The following SAMD4A variants were observed in gnomAD, a reference collection of about 807,000 sequenced individuals.
SAMD4A encodes the protein sterile alpha motif domain containing 4A.
In SAMD4A, 33 loss-of-function variants were observed where a neutral mutation model predicts 81.3. The observed-to-expected ratio is 0.41, with a 90% CI of 0.31 to 0.54. SAMD4A has a LOEUF of 0.54. Among genes scored for constraint, SAMD4A ranks in the 20% least tolerant of loss-of-function variants. The probability of loss-of-function intolerance (pLI) is 0.37; values close to 1 mark genes in which losing one functional copy is unlikely to be tolerated. For synonymous variants in SAMD4A, 389 were observed against 382.1 expected, an observed-to-expected ratio of 1.02 and a Z score of -0.21; for missense variants, 854 against 951.1, an observed-to-expected ratio of 0.90 and a Z score of 1.34.
At position 54,791,272 on chromosome 14, in the gene SAMD4A, A is replaced by G. The variant is rs1440991270; in HGVS notation, c.*2328A>G. ...CTGAGAAAGTGAATAAAGAGGAGAA[A>G]AAACCATGGTATTACACATCTTGCT... On this transcript the variant is annotated 3_prime_UTR_variant, in exon 13 of 13. Transcript: ENST00000554335. The G allele has an allele frequency of 1.3e-5, 2 of 152,220 alleles. No individual in the cohort carries two copies. The highest frequency in any genetic ancestry group is 2.9e-5 in the Non-Finnish European group (2 of 68,048). The allele number at this position is 152,220 out of a possible 1,614,324, so 9.4% of individuals were successfully genotyped here.
chr14:54,720,771 C>T (rs558786215), intron 3 of SAMD4A, among the ~76,000 whole-genome samples: 3 of 152,060 alleles, frequency 2.0e-5, no homozygotes, highest in African/African-American at 7.2e-5. Flanking sequence ...GGCTTAGCAC[C>T]AGGTTCCCCA....
Position 54,775,044 on chromosome 14 carries a change from C to A in SAMD4A, c.1826C>A (p.Ala609Asp). The change falls in exon 10 of 13, where the codon GCC becomes GAC. Residue 609 changes from alanine (A) to aspartate (D), a missense_variant. Coordinates refer to ENST00000554335, the MANE Select transcript of SAMD4A (RefSeq NM_015589.6). Reference sequence around the variant, plus strand: ...ATCCCCTCTCGGAACGTCCCTTCCGCCCGCCTGGGCCTCTTGGGCACCAGT... The same window carrying A: ...ATCCCCTCTCGGAACGTCCCTTCCGACCGCCTGGGCCTCTTGGGCACCAGT... ...YQIPSRNVPS[A>D]RLGLLGTSGF... is the part of the protein sequence containing the mutation. 1.2e-6 allele frequency: 2 copies of A among 1,614,220 alleles called. No individual in the cohort carries two copies. Among genetic ancestry groups the A allele is most frequent in the Non-Finnish European group, 1.7e-6 (2 of 1,180,046 alleles).
At chr14:54,745,763 C>T (rs1006992682) in intron 4 of SAMD4A, among the ~76,000 whole-genome samples, 1 of 152,070 alleles carries the variant, frequency 6.6e-6, no homozygotes, top group Non-Finnish European at 1.5e-5. Flanking sequence ...AGTTTGAGAC[C>T]CCCAGTCTCA....
chr14:54,671,273 T>C (rs544975469), intron 2 of SAMD4A, among the ~76,000 whole-genome samples: 1 of 152,270 alleles, frequency 6.6e-6, no homozygotes, highest in East Asian at 1.9e-4. Flanking sequence ...GGGACACAGA[T>C]TCTGGGGTTT....
At chr14:54,699,141 C>T (rs1414321936) in intron 2 of SAMD4A, among the ~76,000 whole-genome samples, 1 of 152,102 alleles carries the variant, frequency 6.6e-6, no homozygotes, top group East Asian at 1.9e-4. Flanking sequence ...CTTCTTGGCC[C>T]CTTTTGCTTC....
At chr14:54,665,518 C>T (rs1162325673) in intron 2 of SAMD4A, among the ~76,000 whole-genome samples, 1 of 152,202 alleles carries the variant, frequency 6.6e-6, no homozygotes, top group Non-Finnish European at 1.5e-5. Context: ...AGAAATGTTC[C>T]TCTCTGCAGT....
intron 3 of SAMD4A, among the ~76,000 whole-genome samples, chr14:54,719,984 G>A (rs760563714): frequency 1.3e-5 from 2 of 151,596 alleles, no homozygotes; most frequent in East Asian, 3.9e-4. Context: ...TTTCTTCCTC[G>A]CTCTTTAAAG....
intron 12 of SAMD4A, among the ~76,000 whole-genome samples, chr14:54,785,168 A>G (rs1330784287): frequency 6.6e-6 from 1 of 152,234 alleles, no homozygotes; most frequent in Non-Finnish European, 1.5e-5. Flanking sequence ...AAGCAGGCTG[A>G]GGTGTCCTTT....
intron 2 of SAMD4A, among the ~76,000 whole-genome samples, chr14:54,589,053 A>C (rs919123960): frequency 6.6e-6 from 1 of 152,224 alleles, no homozygotes; most frequent in African/African-American, 2.4e-5. Context: ...ACATTTTCGT[A>C]CTTGCATTGT....
intron 3 of SAMD4A, among the ~76,000 whole-genome samples, chr14:54,728,464 G>A (rs1423898456): frequency 6.6e-6 from 1 of 152,102 alleles, no homozygotes; most frequent in Non-Finnish European, 1.5e-5. Flanking sequence ...AAGGAGCCAG[G>A]AGAGCCTAAA....
Position 54,621,516 on chromosome 14 carries a change from ATT to A in SAMD4A, c.196+53419_196+53420del, listed in dbSNP as rs34686015. On this transcript the variant is annotated intron_variant, in intron 2 of 12. Coordinates refer to ENST00000554335, the MANE Select transcript of SAMD4A (RefSeq NM_015589.6). Reference sequence around the variant, plus strand: ...AGGCGGGCACCACCATGCCCAAATAATTTTTTTTTTTTTTTTGGTATTTTTAG... The same window carrying A: ...AGGCGGGCACCACCATGCCCAAATAATTTTTTTTTTTTTTGGTATTTTTAG... Among the ~76,000 whole-genome samples, 617 of 141,704 alleles carry A rather than the reference ATT, an allele frequency of 4.4e-3. 3 individuals carry two copies. The highest frequency in any genetic ancestry group is 0.011 in the African/African-American group (441 of 38,676). The allele number at this position is 141,704 out of a possible 152,430, so 93.0% of individuals were successfully genotyped here.
At chr14:54,775,337 C>G (rs573080889) in intron 10 of SAMD4A, among the ~76,000 whole-genome samples, 1 of 152,256 alleles carries the variant, frequency 6.6e-6, no homozygotes, top group South Asian at 2.1e-4. Flanking sequence ...TTTAGGATGC[C>G]CAGAGGACCA....
Position 54,737,010 on chromosome 14 carries a change from A to ATT in SAMD4A, c.716-6_716-5dup. On this transcript the variant is annotated splice_polypyrimidine_tract_variant and intron_variant, in intron 3 of 12. Coordinates refer to ENST00000554335, the MANE Select transcript of SAMD4A (RefSeq NM_015589.6). ...GGGGGGGAATAACCTATTTCATTTT[A>ATT]TTTTTTTTTCCAGTTCTCTCAGGCC... is the stretch of plus-strand genomic sequence containing the variant. 6.3e-7 allele frequency: 1 copy of ATT among 1,594,516 alleles called. No individual in the cohort carries two copies. Among genetic ancestry groups the ATT allele is most frequent in the African/African-American group, 1.3e-5 (1 of 74,246 alleles).
At chr14:54,712,883 A>T (rs1023513693) in intron 3 of SAMD4A, among the ~76,000 whole-genome samples, 1 of 152,156 alleles carries the variant, frequency 6.6e-6, no homozygotes, top group African/African-American at 2.4e-5. Flanking sequence ...ATTCCCCACC[A>T]GACTTTAAAA....
At chr14:54,687,256 C>A (rs1178775754) in intron 2 of SAMD4A, 2 of 425,346 alleles carry the variant, frequency 4.7e-6, no homozygotes, top group South Asian at 1.7e-5. Flanking sequence ...AAAGATGGAT[C>A]CTGCCCCTCC....
chr14:54,776,389 G>A (rs775063807), intron 10 of SAMD4A, 25 bp from the exon 11 acceptor site: 2 of 1,584,488 alleles, frequency 1.3e-6, no homozygotes, highest in South Asian at 1.2e-5. Context: ...GAACTAACAA[G>A]TTCCCCTTTT....
intron 6 of SAMD4A, among the ~76,000 whole-genome samples, chr14:54,758,843 A>AG (rs1304203136): frequency 1.3e-5 from 2 of 152,138 alleles, no homozygotes; most frequent in Non-Finnish European, 2.9e-5. Flanking sequence ...AAAAAAAAAA[A>AG]TTAAATACTT....
In SAMD4A at chr14:54,752,600, G is replaced by A. The variant is rs1461444074; in HGVS notation, c.1176+1063G>A. 5.9e-5 allele frequency among the ~76,000 whole-genome samples: 9 copies of A among 152,284 alleles called. No individual in the cohort carries two copies. In the South Asian group the frequency reaches 1.2e-3, roughly 21 times the overall value. Reference sequence around the variant, plus strand: ...CAAAGATGTGTGTGTGTATAATTTCGTATATGAAGGGGTGGCCTGCCCCTC... The same window carrying A: ...CAAAGATGTGTGTGTGTATAATTTCATATATGAAGGGGTGGCCTGCCCCTC... On this transcript the variant is annotated intron_variant, in intron 6 of 12. Coordinates refer to ENST00000554335, the MANE Select transcript of SAMD4A (RefSeq NM_015589.6).
At chr14:54,593,217 A>C (rs1327270806) in intron 2 of SAMD4A, among the ~76,000 whole-genome samples, 1 of 152,196 alleles carries the variant, frequency 6.6e-6, no homozygotes. Context: ...CTAGTTTTCT[A>C]TAATTATAGA....
Sources: allele counts gnomAD v4.1 joint callset (sites outside exome capture counted in the v4.1 genomes callset), GRCh38; gene constraint gnomAD v4.1.1; transcripts MANE v1.5; gene names NCBI Gene and HGNC (gene_info 2026-07-23, HGNC 2026-07-21).